ASTN2: variants seen among roughly 807,000 people sequenced by gnomAD.
The protein encoded by ASTN2 is astrotactin-2.
ASTN2 carries 54 observed loss-of-function variants against 139.8 expected under a neutral mutation model. That is an observed-to-expected ratio of 0.39 (90% CI 0.31 to 0.48). ASTN2 has a LOEUF of 0.48. ASTN2 is among the 20% of genes least tolerant of loss of function. The probability of loss-of-function intolerance (pLI) is 0.95; values close to 1 mark genes in which losing one functional copy is unlikely to be tolerated. For synonymous variants in ASTN2, 756 were observed against 719.5 expected (o/e 1.05, Z -0.81); for missense variants, 1,565 against 1,725.1 (o/e 0.91, Z 1.64).
chr9:116,686,782 T>G, intron 16 of ASTN2: 1 of 1,550,634 alleles, frequency 6.4e-7, no homozygotes, highest in Non-Finnish European at 8.7e-7. Context: ...GGCAAAACAT[T>G]CCTTTACAGA....
intron 1 of ASTN2, among the ~76,000 whole-genome samples, chr9:117,356,164 A>G (rs1829534346): frequency 6.6e-6 from 1 of 152,240 alleles, no homozygotes; most frequent in South Asian, 2.1e-4. Context: ...TAGTAGAGCC[A>G]AGATGAGAAT....
At position 116,699,340 on chromosome 9, in the gene ASTN2, T is replaced by C; in HGVS notation, c.2806+26431A>G. 1 of 1,614,186 alleles carries C rather than the reference T, an allele frequency of 6.2e-7. No individual in the cohort carries two copies. Among genetic ancestry groups the C allele is most frequent in the Non-Finnish European group, 8.5e-7 (1 of 1,180,030 alleles). On this transcript the variant is annotated intron_variant, in intron 16 of 22. Coordinates refer to ENST00000313400, the MANE Select transcript of ASTN2 (RefSeq NM_001365068.1). The surrounding 1 kb of genome is among the most constrained non-coding windows in gnomAD (Gnocchi z 4.2). ...GGCACCGTCTACTTCACCCAGGGCT[T>C]AGGCCTCAATCTGGAGAATCGGCAG...
At chr9:116,916,212 A>G (rs188255807) in intron 10 of ASTN2, among the ~76,000 whole-genome samples, 1 of 152,182 alleles carries the variant, frequency 6.6e-6, no homozygotes, top group Non-Finnish European at 1.5e-5. Context: ...GTCCCTGACC[A>G]TGAATGGCCC....
intron 2 of ASTN2, among the ~76,000 whole-genome samples, chr9:117,264,697 G>A (rs1200329196): frequency 6.6e-6 from 1 of 152,186 alleles, no homozygotes; most frequent in Non-Finnish European, 1.5e-5. Context: ...TACATCCAAA[G>A]TCAAACACAG....
intron 1 of ASTN2, among the ~76,000 whole-genome samples, chr9:117,313,966 C>T (rs537852041): frequency 6.6e-6 from 1 of 152,158 alleles, no homozygotes; most frequent in South Asian, 2.1e-4. Context: ...TCCCACTTCT[C>T]CCTTCCTAAA....
intron 16 of ASTN2, among the ~76,000 whole-genome samples, chr9:116,685,049 G>C (rs553005895): frequency 2.0e-5 from 3 of 152,330 alleles, no homozygotes; most frequent in Admixed American, 2.0e-4. Flanking sequence ...TTAGCCACAA[G>C]ATTAGAAATT....
intron 5 of ASTN2, among the ~76,000 whole-genome samples, chr9:117,048,487 C>T (rs1838809218): frequency 6.6e-6 from 1 of 152,130 alleles, no homozygotes; most frequent in African/African-American, 2.4e-5. Flanking sequence ...TTCTATAGTG[C>T]AGGCCTAGAT....
At chr9:117,266,175 C>T (rs571603082) in intron 2 of ASTN2, among the ~76,000 whole-genome samples, 9 of 152,274 alleles carry the variant, frequency 5.9e-5, no homozygotes, top group Non-Finnish European at 8.8e-5. Context: ...ACTAAGGATT[C>T]AAGCTGCTCT....
chr9:116,977,519 G>A (rs1226660781), intron 7 of ASTN2, among the ~76,000 whole-genome samples: 1 of 151,624 alleles, frequency 6.6e-6, no homozygotes, highest in African/African-American at 2.4e-5. Flanking sequence ...TTGCATGAAT[G>A]CTTGCTAGCA....
chr9:116,586,303 A>C (rs1225152694), intron 19 of ASTN2: 1 of 152,224 alleles, frequency 6.6e-6, no homozygotes, highest in African/African-American at 2.4e-5. Context: ...ATATATCCAA[A>C]AGAAAATAAA....
intron 1 of ASTN2, among the ~76,000 whole-genome samples, chr9:117,326,408 TA>T (rs1828520602): frequency 6.6e-6 from 1 of 152,022 alleles, no homozygotes; most frequent in Non-Finnish European, 1.5e-5. Context: ...TCACAATACT[TA>T]AAACTGGAGG....
chr9:117,406,301 C>T (rs913017023), intron 1 of ASTN2, among the ~76,000 whole-genome samples: 71 of 152,204 alleles, frequency 4.7e-4, no homozygotes, highest in African/African-American at 1.6e-3. Context: ...CTGCACCCAT[C>T]GTTGGTCCTG....
Position 116,510,333 on chromosome 9 carries a change from T to C in ASTN2, c.3356-22833A>G, listed in dbSNP as rs574128422. 2.2e-4 allele frequency among the ~76,000 whole-genome samples: 34 copies of C among 152,278 alleles called. No homozygotes were observed. The South Asian group carries it at 5.2e-3, about 23-fold the overall frequency. ...GATGGTTGTAGATGTGTGGTATTAT[T>C]TCTGAGGGCTCTGTTCTGTTCCATT... On this transcript the variant is annotated intron_variant, in intron 19 of 22. Coordinates refer to ENST00000313400, the MANE Select transcript of ASTN2 (RefSeq NM_001365068.1).
chr9:117,134,407 A>G (rs2132844945), intron 4 of ASTN2, among the ~76,000 whole-genome samples: 1 of 151,442 alleles, frequency 6.6e-6, no homozygotes, highest in African/African-American at 2.4e-5. Flanking sequence ...TCTATCAAGA[A>G]GGATAAAGGA....
intron 16 of ASTN2, among the ~76,000 whole-genome samples, chr9:116,675,420 C>T (rs1473067698): frequency 6.6e-6 from 1 of 152,118 alleles, no homozygotes; most frequent in African/African-American, 2.4e-5. Context: ...ATAGCTCCAC[C>T]ATGGTGTGTC....
chr9:117,351,864 T>G (rs939565456), intron 1 of ASTN2, among the ~76,000 whole-genome samples: 1 of 152,116 alleles, frequency 6.6e-6, no homozygotes, highest in African/African-American at 2.4e-5. Flanking sequence ...CCAGAGAGAT[T>G]CTAGTCCTGC....
At chr9:117,413,766 G>A (rs1398100747) in intron 1 of ASTN2, among the ~76,000 whole-genome samples, 1 of 152,168 alleles carries the variant, frequency 6.6e-6, no homozygotes, top group African/African-American at 2.4e-5. Context: ...GGAGTGAGCT[G>A]CAAGGACAAA....
intron 3 of ASTN2, among the ~76,000 whole-genome samples, chr9:117,205,999 G>A (rs539153694): frequency 6.6e-6 from 1 of 152,318 alleles, no homozygotes; most frequent in East Asian, 1.9e-4. Flanking sequence ...AACAACATAT[G>A]TGAAAAGGAG....
chr9:116,919,302 T>C (rs866278219), intron 10 of ASTN2, among the ~76,000 whole-genome samples: 18 of 152,330 alleles, frequency 1.2e-4, no homozygotes, highest in African/African-American at 4.1e-4. Context: ...TGGCTATGTT[T>C]GCCCCTAATT....
Sources: allele counts gnomAD v4.1 joint callset (sites outside exome capture counted in the v4.1 genomes callset), GRCh38; gene constraint gnomAD v4.1.1; non-coding constraint Gnocchi (gnomAD v3.1); transcripts MANE v1.5; gene names NCBI Gene and HGNC (gene_info 2026-07-23, HGNC 2026-07-21).